Variants in PTDSS1 observed in about 807,000 individuals in gnomAD.
The protein encoded by PTDSS1 is PSS-1.
PTDSS1 carries 45 observed loss-of-function variants against 70.5 expected under a neutral mutation model. The ratio of observed to expected loss-of-function variants is 0.64; its 90% CI spans 0.50 to 0.82. The LOEUF is 0.82. PTDSS1 is among the 40% of genes least tolerant of loss of function. The pLI is 0.00. For missense variants in PTDSS1, 417 were observed against 586.1 expected (o/e 0.71, Z 2.98); for synonymous variants, 188 against 203.8 (o/e 0.92, Z 0.66).
intron 2 of PTDSS1, among the ~76,000 whole-genome samples, chr8:96,281,429 G>A (rs1810734601): frequency 6.6e-6 from 1 of 152,040 alleles, no homozygotes; most frequent in African/African-American, 2.4e-5. Context: ...TTACATTCCA[G>A]GGCCTTATCT....
At chr8:96,275,610 A>G (rs1773688669) in intron 2 of PTDSS1, among the ~76,000 whole-genome samples, 1 of 152,222 alleles carries the variant, frequency 6.6e-6, no homozygotes, top group Non-Finnish European at 1.5e-5. Flanking sequence ...GTGGCCAGCC[A>G]AGGGTGGGTT....
intron 5 of PTDSS1, among the ~76,000 whole-genome samples, chr8:96,297,614 C>T (rs1810994038): frequency 6.6e-6 from 1 of 152,206 alleles, no homozygotes; most frequent in Non-Finnish European, 1.5e-5. Flanking sequence ...GCTGTCTTCC[C>T]CACCACAGAG....
chr8:96,298,306 T>C (rs1321297855), intron 5 of PTDSS1, among the ~76,000 whole-genome samples: 2 of 152,250 alleles, frequency 1.3e-5, no homozygotes, highest in Non-Finnish European at 2.9e-5. Context: ...CAAAATGCTT[T>C]CATGAATACT....
At chr8:96,321,149 G>A (rs1041067668) in intron 10 of PTDSS1, among the ~76,000 whole-genome samples, 10 of 152,054 alleles carry the variant, frequency 6.6e-5, no homozygotes, top group South Asian at 2.1e-4. Context: ...ACCCATCATC[G>A]GTTATCAACT....
rs1811595001 is a variant in PTDSS1, at chr8:96,336,458, G to A, written c.*2892G>A. The A allele has an allele frequency of 6.6e-6, 1 of 151,956 alleles. No individual in the cohort carries two copies. Among genetic ancestry groups the A allele is most frequent in the Non-Finnish European group, 1.5e-5 (1 of 68,078 alleles). The allele number at this position is 151,956 out of a possible 1,614,324, so 9.4% of individuals were successfully genotyped here. The stretch of plus-strand genomic sequence containing the variant: ...CACAGAAGGGGAGGCTAAACACAAG[G>A]TGGGGAAGAAAAAATGTAACCATTG... On this transcript the variant is annotated 3_prime_UTR_variant, in exon 13 of 13. Transcript: ENST00000517309.
chr8:96,283,780 A>G (rs1056625531), intron 2 of PTDSS1: 5 of 255,974 alleles, frequency 2.0e-5, no homozygotes, highest in Non-Finnish European at 3.7e-5. Flanking sequence ...TATGCATCAC[A>G]CACACTTAAG....
rs1195153561 is a variant in PTDSS1, at chr8:96,262,493, C to G, written c.179+274C>G. Among the ~76,000 whole-genome samples, 1 of 152,178 alleles carries G rather than the reference C, an allele frequency of 6.6e-6. No homozygotes were observed. Among genetic ancestry groups the G allele is most frequent in the Non-Finnish European group, 1.5e-5 (1 of 68,032 alleles). On this transcript the variant is annotated intron_variant, in intron 1 of 12. Coordinates refer to ENST00000517309, the MANE Select transcript of PTDSS1 (RefSeq NM_014754.3). The surrounding 1 kb of genome is among the most constrained non-coding windows in gnomAD (Gnocchi z 4.4). Reference sequence around the variant, plus strand: ...ACGCGAGTCACCTAGCACGATCGCCCCCTCACCCACCGCACTCAGCATCGC... The same window carrying G: ...ACGCGAGTCACCTAGCACGATCGCCGCCTCACCCACCGCACTCAGCATCGC...
intron 2 of PTDSS1, among the ~76,000 whole-genome samples, chr8:96,279,765 GC>G (rs1273173391): frequency 6.6e-6 from 1 of 152,018 alleles, no homozygotes; most frequent in Non-Finnish European, 1.5e-5. Flanking sequence ...GTTGTAGTGA[GC>G]CGAGATTGCG....
At chr8:96,280,525 G>A (rs1157185171) in intron 2 of PTDSS1, among the ~76,000 whole-genome samples, 5 of 151,980 alleles carry the variant, frequency 3.3e-5, no homozygotes, top group African/African-American at 1.2e-4. Context: ...CTGAGATCGC[G>A]CCAGTGCACT....
At chr8:96,300,020 C>T (rs1434815823) in intron 6 of PTDSS1, among the ~76,000 whole-genome samples, 175 bp downstream of exon 6, 1 of 152,128 alleles carries the variant, frequency 6.6e-6, no homozygotes, top group Non-Finnish European at 1.5e-5. Flanking sequence ...AGAAAATGCT[C>T]AATCATTTAT....
Position 96,333,831 on chromosome 8 carries a change from G to A in PTDSS1, c.*265G>A. On this transcript the variant is annotated 3_prime_UTR_variant, in exon 13 of 13. Coordinates refer to ENST00000517309, the MANE Select transcript of PTDSS1 (RefSeq NM_014754.3). ...ATGCGGTCACCGGTGGCAGCGCGGT[G>A]TGTTGAAGGGAAACGGTAGCTATTC... The A allele has an allele frequency of 1.5e-6, 1 of 669,370 alleles. No individual in the cohort carries two copies. Among genetic ancestry groups the A allele is most frequent in the East Asian group, 2.7e-5 (1 of 37,000 alleles). 41.5% of individuals were successfully genotyped at this position (669,370 alleles called of 1,614,324 possible).
At chr8:96,281,911 C>T (rs941813677) in intron 2 of PTDSS1, among the ~76,000 whole-genome samples, 1 of 152,172 alleles carries the variant, frequency 6.6e-6, no homozygotes, top group East Asian at 1.9e-4. Flanking sequence ...TCACTGAGTC[C>T]TTATGACACT....
At chr8:96,317,057 A>ATGTGTGTGTGTGTG (rs749702023) in intron 9 of PTDSS1, among the ~76,000 whole-genome samples, 1 of 148,418 alleles carries the variant, frequency 6.7e-6, no homozygotes, top group African/African-American at 2.5e-5. Context: ...GTATATATAT[A>ATGTGTGTGTGTGTG]TGTGTGTGTG....
chr8:96,300,889 C>A (rs1270298408), intron 6 of PTDSS1, among the ~76,000 whole-genome samples: 3 of 151,920 alleles, frequency 2.0e-5, no homozygotes, highest in Middle Eastern at 3.4e-3. Flanking sequence ...TAAATAAATT[C>A]TTAGAAATAG....
At chr8:96,283,221 G>A (rs1810768408) in intron 2 of PTDSS1, among the ~76,000 whole-genome samples, 1 of 152,222 alleles carries the variant, frequency 6.6e-6, no homozygotes, top group African/African-American at 2.4e-5. Flanking sequence ...AGAAGGCTGG[G>A]AAACAAGCTC....
intron 1 of PTDSS1, among the ~76,000 whole-genome samples, chr8:96,269,990 C>G (rs1214885104): frequency 6.6e-6 from 1 of 152,150 alleles, no homozygotes; most frequent in Non-Finnish European, 1.5e-5. Context: ...ATTTAATCCT[C>G]ACACAACCCT....
intron 10 of PTDSS1, among the ~76,000 whole-genome samples, chr8:96,329,293 G>T (rs1177336603): frequency 6.6e-6 from 1 of 152,166 alleles, no homozygotes; most frequent in African/African-American, 2.4e-5. Flanking sequence ...GGAAGGAGCT[G>T]GCAGTTGCCT....
In PTDSS1 at chr8:96,314,787, G is replaced by A. The variant is rs1049653638; in HGVS notation, c.1073+5165G>A. Among the ~76,000 whole-genome samples, 5 of 152,032 alleles carry A rather than the reference G, an allele frequency of 3.3e-5. No individual in the cohort carries two copies. The South Asian group carries it at 6.2e-4, about 19-fold the overall frequency. On this transcript the variant is annotated intron_variant, in intron 9 of 12. Transcript: ENST00000517309. ...AATTTTTTGTATTTTTAGTAGAGAC[G>A]GGGTTTCACCATGTTAGCCAGGATG...
intron 10 of PTDSS1, among the ~76,000 whole-genome samples, chr8:96,326,125 T>C (rs2130173287): frequency 6.6e-6 from 1 of 152,314 alleles, no homozygotes; most frequent in Middle Eastern, 3.4e-3. Flanking sequence ...TGTCTGCTGG[T>C]AGTTACCTAA....
Sources: allele counts gnomAD v4.1 joint callset (sites outside exome capture counted in the v4.1 genomes callset), GRCh38; gene constraint gnomAD v4.1.1; non-coding constraint Gnocchi (gnomAD v3.1); transcripts MANE v1.5; gene names NCBI Gene and HGNC (gene_info 2026-07-23, HGNC 2026-07-21).